ITSN1: variants seen among roughly 807,000 people sequenced by gnomAD.
ITSN1 encodes intersectin 1.
ITSN1 carries 58 observed loss-of-function variants against 239.8 expected under a neutral mutation model. The ratio of observed to expected loss-of-function variants is 0.24; its 90% CI spans 0.20 to 0.30. ITSN1 has a LOEUF of 0.30. Ranked by LOEUF, ITSN1 falls within the 10% of genes least tolerant of loss-of-function variation. ITSN1 has a pLI of 1.00. For missense variants in ITSN1, 1,558 were observed against 2,103.3 expected (o/e 0.74, Z 5.07); for synonymous variants, 780 against 770.8 (o/e 1.01, Z -0.20).
chr21:33,717,006 A>G lies in ITSN1; in HGVS notation c.-32-1791A>G, dbSNP rs927767515. On this transcript the variant is annotated intron_variant, in intron 1 of 39. Coordinates refer to ENST00000381318, the MANE Select transcript of ITSN1 (RefSeq NM_003024.3). ...CAAAAAAGGAACCCAGAGGAATCCA[A>G]TGATCCAAGAAACAGAAGAACAGAG... Among the ~76,000 whole-genome samples the G allele has an allele frequency of 7.2e-5, 11 of 152,206 alleles. 1 individual carries two copies. In the South Asian group the frequency reaches 1.0e-3, roughly 14 times the overall value.
At chr21:33,678,534 C>G (rs1601591073) in intron 1 of ITSN1, among the ~76,000 whole-genome samples, 2 of 152,184 alleles carry the variant, frequency 1.3e-5, no homozygotes, top group East Asian at 3.9e-4. Context: ...CTGTTCCCAC[C>G]CCACGGCCTG....
intron 16 of ITSN1, among the ~76,000 whole-genome samples, chr21:33,786,145 T>C (rs1376204861): frequency 6.6e-6 from 1 of 152,200 alleles, no homozygotes; most frequent in African/African-American, 2.4e-5. Flanking sequence ...AATGAAATAT[T>C]TGAACAGTGA....
chr21:33,646,977 C>T (rs780911196), intron 1 of ITSN1, among the ~76,000 whole-genome samples: 3 of 151,172 alleles, frequency 2.0e-5, no homozygotes, highest in Non-Finnish European at 4.4e-5. Flanking sequence ...CAGAGCAAGG[C>T]CCTGTCTCAA....
chr21:33,807,497 C>T (rs2072549612), intron 20 of ITSN1, among the ~76,000 whole-genome samples: 1 of 152,146 alleles, frequency 6.6e-6, no homozygotes, highest in South Asian at 2.1e-4. Context: ...GCCACCACGC[C>T]CGGCTAATTT....
At chr21:33,871,389 C>A (rs896677497) in intron 33 of ITSN1, among the ~76,000 whole-genome samples, 3 of 151,530 alleles carry the variant, frequency 2.0e-5, no homozygotes, top group Admixed American at 2.0e-4. Flanking sequence ...ATGATTGAGT[C>A]ACTGCACTCC....
chr21:33,700,667 G>A (rs758115916), intron 1 of ITSN1, among the ~76,000 whole-genome samples: 16 of 152,086 alleles, frequency 1.1e-4, no homozygotes, highest in African/African-American at 2.2e-4. Flanking sequence ...CCAGCAGCGC[G>A]GGTTGGTGGC....
chr21:33,665,546 G>C (rs1488791765), intron 1 of ITSN1, among the ~76,000 whole-genome samples: 1 of 152,166 alleles, frequency 6.6e-6, no homozygotes, highest in Non-Finnish European at 1.5e-5. Context: ...TGTGAATGTA[G>C]CATGGTGCCA....
Position 33,793,910 on chromosome 21 carries a change from G to A in ITSN1, c.1825-431G>A, listed in dbSNP as rs80309127. On this transcript the variant is annotated intron_variant, in intron 16 of 39. Coordinates refer to ENST00000381318, the MANE Select transcript of ITSN1 (RefSeq NM_003024.3). ...AGGTGGAGGTGAGGTTTGAATGGAG[G>A]TAGTCAGTGAAGAAGAGGCATCTGT... 8.7e-3 allele frequency among the ~76,000 whole-genome samples: 1,319 copies of A among 152,320 alleles called. 8 individuals are homozygous for A. The highest frequency in any genetic ancestry group is 0.021 in the Middle Eastern group (6 of 292).
At chr21:33,747,046 G>C (rs1210563614) in intron 5 of ITSN1, among the ~76,000 whole-genome samples, 1 of 152,026 alleles carries the variant, frequency 6.6e-6, no homozygotes, top group Non-Finnish European at 1.5e-5. Context: ...CCCAGTTATT[G>C]GGGAGTCTGA....
rs956840931 is a variant in ITSN1, at chr21:33,735,388, C to G, written c.346+184C>G. ...GAAGGAGCATGTTCACATTTGAACC[C>G]TGGGATGTAAAGTAATCAAAATGAA... is the stretch of plus-strand genomic sequence containing the variant. On this transcript the variant is annotated intron_variant, in intron 5 of 39. Coordinates refer to ENST00000381318, the MANE Select transcript of ITSN1 (RefSeq NM_003024.3). 14 of 706,416 alleles carry G rather than the reference C, an allele frequency of 2.0e-5. No individual in the cohort carries two copies. The African/African-American group carries it at 2.3e-4, about 12-fold the overall frequency. 43.8% of individuals were successfully genotyped at this position (706,416 alleles called of 1,614,324 possible). A position where few individuals can be genotyped will look rare whatever the true frequency, so the allele number is the denominator to read the frequency against.
chr21:33,867,580 C>T (rs1014312140), intron 33 of ITSN1, among the ~76,000 whole-genome samples: 2 of 150,164 alleles, frequency 1.3e-5, no homozygotes, highest in East Asian at 2.0e-4. Context: ...GTGGGCAGAT[C>T]GCTTGAGCCC....
chr21:33,809,816 G>T (rs1056036051), intron 20 of ITSN1, among the ~76,000 whole-genome samples: 13 of 151,806 alleles, frequency 8.6e-5, no homozygotes, highest in Admixed American at 5.9e-4. Flanking sequence ...TTTTTGAGAC[G>T]GAGTTTCACT....
intron 4 of ITSN1, among the ~76,000 whole-genome samples, chr21:33,730,103 A>G (rs1026231550): frequency 2.6e-5 from 4 of 151,990 alleles, no homozygotes; most frequent in Non-Finnish European, 2.9e-5. Context: ...TATTTAATTT[A>G]GATATGCCTC....
intron 16 of ITSN1, among the ~76,000 whole-genome samples, chr21:33,790,254 T>TA (rs1023862109): frequency 4.0e-5 from 6 of 151,682 alleles, no homozygotes; most frequent in Non-Finnish European, 7.4e-5. Context: ...TGTGATTTTT[T>TA]AAAAAAAACT....
chr21:33,733,799 C>T (rs1186995939), intron 4 of ITSN1, among the ~76,000 whole-genome samples: 1 of 152,138 alleles, frequency 6.6e-6, no homozygotes, highest in Non-Finnish European at 1.5e-5. Context: ...TGGGGAACTC[C>T]TATCTGAGGC....
chr21:33,840,899 T>C (rs962358480), intron 29 of ITSN1, among the ~76,000 whole-genome samples: 1 of 152,240 alleles, frequency 6.6e-6, no homozygotes, highest in African/African-American at 2.4e-5. Flanking sequence ...TTTGCTCCAG[T>C]AGCATTAGAC....
intron 24 of ITSN1, among the ~76,000 whole-genome samples, chr21:33,819,591 A>G (rs879836720): frequency 1.3e-5 from 2 of 152,230 alleles, no homozygotes; most frequent in Non-Finnish European, 2.9e-5. Context: ...TTCACTAAGA[A>G]TCGAGTTTTC....
chr21:33,667,268 T>C (rs1260091116), intron 1 of ITSN1, among the ~76,000 whole-genome samples: 1 of 152,096 alleles, frequency 6.6e-6, no homozygotes, highest in Non-Finnish European at 1.5e-5. Context: ...TTTTTTGTTT[T>C]TTTTTTACAA....
At chr21:33,833,633 C>T (rs866775689) in intron 27 of ITSN1, among the ~76,000 whole-genome samples, 6 of 152,200 alleles carry the variant, frequency 3.9e-5, no homozygotes, top group Admixed American at 6.5e-5. Flanking sequence ...TTTGGGAGGC[C>T]GAGGGGTGCA....
Sources: allele counts gnomAD v4.1 joint callset (sites outside exome capture counted in the v4.1 genomes callset), GRCh38; gene constraint gnomAD v4.1.1; transcripts MANE v1.5; gene names NCBI Gene and HGNC (gene_info 2026-07-23, HGNC 2026-07-21).